The following HSDL1 variants were observed in gnomAD, a reference collection of about 807,000 sequenced individuals.
HSDL1 encodes the protein hydroxysteroid dehydrogenase like 1, also known as inactive hydroxysteroid dehydrogenase-like protein 1.
Under a neutral mutation model 31.5 loss-of-function variants are expected in HSDL1, and 29 were observed. The observed-to-expected ratio is 0.92, with a 90% CI of 0.69 to 1.26. HSDL1 has a LOEUF of 1.26. Among genes scored for constraint, HSDL1 ranks in the 50% most tolerant of loss-of-function variants. HSDL1 has a pLI of 0.00. For synonymous variants in HSDL1, 222 were observed against 155.2 expected, an observed-to-expected ratio of 1.43 and a Z score of -3.20; for missense variants, 503 against 416.6, an observed-to-expected ratio of 1.21 and a Z score of -1.81.
chr16:84,134,716 T>C (rs1212507534), intron 2 of HSDL1, among the ~76,000 whole-genome samples: 1 of 152,172 alleles, frequency 6.6e-6, no homozygotes, highest in Admixed American at 6.5e-5. Flanking sequence ...TGGGTGCCTT[T>C]TGTCATAACT....
At chr16:84,127,807 C>A in intron 5 of HSDL1, among the ~76,000 whole-genome samples, 1 of 148,696 alleles carries the variant, frequency 6.7e-6, no homozygotes, top group Non-Finnish European at 1.5e-5. Flanking sequence ...CAAGCTCTGC[C>A]TCCCGGGTTC....
At chr16:84,134,295 G>A (rs2086693247) in intron 2 of HSDL1, among the ~76,000 whole-genome samples, 1 of 152,076 alleles carries the variant, frequency 6.6e-6, no homozygotes, top group Non-Finnish European at 1.5e-5. Context: ...CCAAAGACAG[G>A]CCCAAAACAT....
chr16:84,133,788 AG>A (rs1463072089), intron 2 of HSDL1, among the ~76,000 whole-genome samples: 1 of 152,222 alleles, frequency 6.6e-6, no homozygotes, highest in Non-Finnish European at 1.5e-5. Flanking sequence ...TATTCCCTAC[AG>A]GTAAAATGCT....
At chr16:84,142,727 G>A (rs560510023) in intron 1 of HSDL1, among the ~76,000 whole-genome samples, 8 of 152,132 alleles carry the variant, frequency 5.3e-5, no homozygotes, top group East Asian at 3.9e-4. Context: ...GTGACCGGCC[G>A]GATCTCACAC....
chr16:84,136,809 G>C (rs1286908994), intron 1 of HSDL1, among the ~76,000 whole-genome samples: 1 of 152,200 alleles, frequency 6.6e-6, no homozygotes, highest in East Asian at 1.9e-4. Flanking sequence ...CAGAGCATCA[G>C]GGGGGCTGAT....
chr16:84,140,802 G>T (rs549894439), intron 1 of HSDL1, among the ~76,000 whole-genome samples: 1 of 152,126 alleles, frequency 6.6e-6, no homozygotes, highest in South Asian at 2.1e-4. Flanking sequence ...CATGTATTCT[G>T]AAACAGTAAC....
Position 84,130,424 on chromosome 16 carries a change from T to C in HSDL1, c.228A>G (p.Thr76=), listed in dbSNP as rs778621571. 3 of 1,605,956 alleles carry C rather than the reference T, an allele frequency of 1.9e-6. No individual in the cohort carries two copies. The highest frequency in any genetic ancestry group is 3.4e-5 in the Admixed American group (2 of 59,328). The change falls in exon 4 of 6, where the codon ACA becomes ACG. Residue 76 remains threonine, a synonymous_variant. Transcript: ENST00000219439. ...YGRWAVVSGA[T]DGIGKAYAEE... ...CAGCGTAGGCTTTTCCAATCCCATC[T>C]GTTGCACCTAGGATGCAAGTCAGGA...
Position 84,122,236 on chromosome 16 carries a change from TCCAAATTACAAACAA to T in HSDL1, c.*2379_*2393del, listed in dbSNP as rs374319864. ...TCCTAAGAAAAAAAAATTCTCTCAT[TCCAAATTACAAACAA>T]CCAAATTACAAACATCTGGAACAAA... On this transcript the variant is annotated 3_prime_UTR_variant, in exon 6 of 6. Coordinates refer to ENST00000219439, the MANE Select transcript of HSDL1 (RefSeq NM_031463.5). The T allele has an allele frequency of 6.1e-4, 93 of 152,734 alleles. No homozygotes were observed. The highest frequency in any genetic ancestry group is 2.0e-3 in the African/African-American group (83 of 41,568). 9.5% of individuals were successfully genotyped at this position (152,734 alleles called of 1,614,324 possible). A position where few individuals can be genotyped will look rare whatever the true frequency, so the allele number is the denominator to read the frequency against.
chr16:84,127,586 T>A (rs1319994259), intron 5 of HSDL1, among the ~76,000 whole-genome samples: 3 of 151,888 alleles, frequency 2.0e-5, no homozygotes, highest in East Asian at 3.9e-4. Flanking sequence ...TACTTACATG[T>A]TTATTTGGTA....
intron 2 of HSDL1, among the ~76,000 whole-genome samples, chr16:84,134,556 G>A (rs898495137): frequency 5.9e-5 from 9 of 152,056 alleles, no homozygotes; most frequent in African/African-American, 1.9e-4. Context: ...AAGTAACAGT[G>A]AGCCAAGATT....
At chr16:84,133,261 C>T (rs1475091494) in intron 2 of HSDL1, among the ~76,000 whole-genome samples, 1 of 152,022 alleles carries the variant, frequency 6.6e-6, no homozygotes, top group East Asian at 1.9e-4. Context: ...AATTACAAAT[C>T]AACAAAACGT....
intron 5 of HSDL1, 104 bp downstream of exon 5, chr16:84,129,444 A>G: frequency 1.2e-6 from 1 of 851,198 alleles, no homozygotes; most frequent in Non-Finnish European, 1.9e-6. Flanking sequence ...CTTAAGAGTC[A>G]GAATTTACAA....
At chr16:84,139,101 G>A (rs1382830110) in intron 1 of HSDL1, 1 of 152,336 alleles carries the variant, frequency 6.6e-6, no homozygotes, top group Non-Finnish European at 1.5e-5. Flanking sequence ...TTTTAAAGAA[G>A]ACAAAGCAAG....
intron 2 of HSDL1, among the ~76,000 whole-genome samples, chr16:84,133,762 A>C (rs1422335100): frequency 6.6e-6 from 1 of 152,166 alleles, no homozygotes; most frequent in Non-Finnish European, 1.5e-5. Context: ...TCCTCAAATG[A>C]AAAGTTGGGC....
At chr16:84,127,321 T>C (rs1017185480) in intron 5 of HSDL1, among the ~76,000 whole-genome samples, 5 of 149,406 alleles carry the variant, frequency 3.3e-5, no homozygotes, top group African/African-American at 1.2e-4. Flanking sequence ...GTTCAAGCGA[T>C]TCTCATGCCT....
intron 1 of HSDL1, among the ~76,000 whole-genome samples, chr16:84,144,109 G>A (rs1253070200): frequency 6.8e-6 from 1 of 147,626 alleles, no homozygotes; most frequent in Non-Finnish European, 1.5e-5. Flanking sequence ...GGCGGTCAGA[G>A]TAAAATTGAG....
rs553224060 is a variant in HSDL1 at position 84,141,090 on chromosome 16, C to CAAAAAAAAAAAAAAAAA, written c.-69+3989_-69+3990insTTTTTTTTTTTTTTTTT. 7.8e-3 allele frequency among the ~76,000 whole-genome samples: 1,047 copies of CAAAAAAAAAAAAAAAAA among 134,974 alleles called. 62 individuals are homozygous for CAAAAAAAAAAAAAAAAA. The highest frequency in any genetic ancestry group is 0.037 in the African/African-American group (982 of 26,432). The allele number at this position is 134,974 out of a possible 152,430, so 88.5% of individuals were successfully genotyped here. A position where few individuals can be genotyped will look rare whatever the true frequency, so the allele number is the denominator to read the frequency against. Reference sequence around the variant, plus strand: ...TGGGCGACAGAACGAGACTCCGTCTCAAACAAAAAAAAAAACAGTATTGCT... The same window carrying CAAAAAAAAAAAAAAAAA: ...TGGGCGACAGAACGAGACTCCGTCTCAAAAAAAAAAAAAAAAAAAACAAAAAAAAAAACAGTATTGCT... On this transcript the variant is annotated intron_variant, in intron 1 of 5. Coordinates refer to ENST00000219439, the MANE Select transcript of HSDL1 (RefSeq NM_031463.5).
At chr16:84,136,151 C>T (rs1316978175) in intron 1 of HSDL1, among the ~76,000 whole-genome samples, 1 of 152,250 alleles carries the variant, frequency 6.6e-6, no homozygotes, top group East Asian at 1.9e-4. Flanking sequence ...GGCAGGGATT[C>T]TGGCTCGCCC....
At chr16:84,127,172 G>A (rs2086616689) in intron 5 of HSDL1, among the ~76,000 whole-genome samples, 1 of 149,832 alleles carries the variant, frequency 6.7e-6, no homozygotes, top group South Asian at 2.1e-4. Flanking sequence ...AGTAATTAAA[G>A]GACCTGGAAA....
Sources: gnomAD v4.1 joint callset for allele counts (sites outside exome capture counted in the v4.1 genomes callset) on GRCh38, gnomAD v4.1.1 for gene constraint, MANE v1.5 for transcripts, NCBI Gene and HGNC (gene_info 2026-07-23, HGNC 2026-07-21) for gene names.